The following NUCKS1 variants were observed in gnomAD, a reference collection of about 807,000 sequenced individuals.
The protein encoded by NUCKS1 is nuclear ubiquitous casein and cyclin-dependent kinase substrate 1.
NUCKS1 carries 2 observed loss-of-function variants against 33.0 expected under a neutral mutation model. The ratio of observed to expected loss-of-function variants is 0.06; its 90% confidence interval spans 0.02 to 0.19. The LOEUF is 0.19. Ranked by LOEUF, NUCKS1 falls within the 10% of genes least tolerant of loss-of-function variation. The probability of loss-of-function intolerance (pLI) is 1.00; values close to 1 mark genes in which losing one functional copy is unlikely to be tolerated. For synonymous variants in NUCKS1, 106 were observed against 102.8 expected, an observed-to-expected ratio of 1.03 and a Z score of -0.19; for missense variants, 201 against 293.6, an observed-to-expected ratio of 0.68 and a Z score of 2.31.
At chr1:205,746,921 A>G (rs188733063) in intron 1 of NUCKS1, among the ~76,000 whole-genome samples, 2 of 152,298 alleles carry the variant, frequency 1.3e-5, no homozygotes, top group Admixed American at 1.3e-4. Context: ...ATCACTTTCA[A>G]TAAGGGAGGA....
chr1:205,749,621 G>T (rs1314539909), intron 1 of NUCKS1, among the ~76,000 whole-genome samples: 1 of 152,098 alleles, frequency 6.6e-6, no homozygotes, highest in Non-Finnish European at 1.5e-5. Flanking sequence ...AGGAGGTGGG[G>T]CCTCTTGGGG....
Position 205,720,663 on chromosome 1 carries a change from C to T in NUCKS1, c.230-10G>A. ...TCATCTTCACTATCCTCTGCAATAT[C>T]AGAATTACCATGATATAATGATTAA... On this transcript the variant is annotated splice_polypyrimidine_tract_variant and intron_variant, in intron 4 of 6. Transcript: ENST00000367142. 1 of 1,601,612 alleles carries T rather than the reference C, an allele frequency of 6.2e-7. No individual in the cohort carries two copies. The highest frequency in any genetic ancestry group is 8.5e-7 in the Non-Finnish European group (1 of 1,175,510).
chr1:205,718,531 TA>T, intron 6 of NUCKS1, 52 bp from the exon 7 acceptor site: 1 of 1,592,288 alleles, frequency 6.3e-7, no homozygotes, highest in African/African-American at 1.4e-5. Context: ...ATGTCTTTAA[TA>T]AAAGTCAGCT....
chr1:205,713,217 A>G lies in NUCKS1; in HGVS notation c.*5063T>C, dbSNP rs974555431. On this transcript the variant is annotated 3_prime_UTR_variant, in exon 7 of 7. Coordinates refer to ENST00000367142, the MANE Select transcript of NUCKS1 (RefSeq NM_022731.5). ...CTGGGTTATAAAAGCCCTTTTATAA[A>G]GCCATTTTTAAACAAAACAAAAAAA... 6.6e-6 allele frequency: 1 copy of G among 152,202 alleles called. No homozygotes were observed. Among genetic ancestry groups the G allele is most frequent in the Non-Finnish European group, 1.5e-5 (1 of 68,032 alleles). The allele number at this position is 152,202 out of a possible 1,614,324, so 9.4% of individuals were successfully genotyped here. A position where few individuals can be genotyped will look rare whatever the true frequency, so the allele number is the denominator to read the frequency against.
rs1215153810 is a variant in NUCKS1 at position 205,750,025 on chromosome 1, C to G, written c.-52G>C. On this transcript the variant is annotated 5_prime_UTR_variant, in exon 1 of 7. Coordinates refer to ENST00000367142, the MANE Select transcript of NUCKS1 (RefSeq NM_022731.5). ...GAGAAGCCAAAGACCAGGACCCCCC[C>G]CACCCCGCGCGCTCGGCGCCCCACC... The G allele has an allele frequency of 2.1e-6, 2 of 958,818 alleles. No individual in the cohort carries two copies. The highest frequency in any genetic ancestry group is 3.0e-6 in the Non-Finnish European group (2 of 669,526). 59.4% of individuals were successfully genotyped at this position (958,818 alleles called of 1,614,324 possible).
rs541314951 is a variant in NUCKS1 at position 205,743,945 on chromosome 1, C to G, written c.17+6012G>C. On this transcript the variant is annotated intron_variant, in intron 1 of 6. Transcript: ENST00000367142. ...GTCCTTTAGGTGGCTTTGGAATCACCTAGTTAAGGGGAAACGCCCTCATAT... is the reference window on the plus strand; with the variant it reads ...GTCCTTTAGGTGGCTTTGGAATCACGTAGTTAAGGGGAAACGCCCTCATAT... 5.9e-5 allele frequency among the ~76,000 whole-genome samples: 9 copies of G among 152,266 alleles called. No individual in the cohort carries two copies. In the South Asian group the frequency reaches 1.5e-3, roughly 25 times the overall value.
intron 1 of NUCKS1, among the ~76,000 whole-genome samples, chr1:205,741,918 G>A (rs1056317476): frequency 7.9e-5 from 12 of 152,166 alleles, no homozygotes; most frequent in African/African-American, 2.9e-4. Context: ...ACAAAAGTGT[G>A]ACGTTCATTT....
chr1:205,714,441 G>A lies in NUCKS1; in HGVS notation c.*3839C>T, dbSNP rs2102425899. On this transcript the variant is annotated 3_prime_UTR_variant, in exon 7 of 7. Transcript: ENST00000367142. ...GGCATGGCAACAGGCAGGTTTACGG[G>A]ATGTTTCCCAATAGTGGTTATTACA... 1 of 152,070 alleles carries A rather than the reference G, an allele frequency of 6.6e-6. No homozygotes were observed. The highest frequency in any genetic ancestry group is 2.1e-4 in the South Asian group (1 of 4,812). 9.4% of individuals were successfully genotyped at this position (152,070 alleles called of 1,614,324 possible).
chr1:205,742,435 T>A (rs1320582009), intron 1 of NUCKS1, among the ~76,000 whole-genome samples: 3 of 152,180 alleles, frequency 2.0e-5, no homozygotes, highest in Non-Finnish European at 4.4e-5. Context: ...TAACGATTAG[T>A]TTCACTTCCT....
chr1:205,737,789 A>C (rs917149900), intron 1 of NUCKS1, among the ~76,000 whole-genome samples: 2 of 152,268 alleles, frequency 1.3e-5, no homozygotes, highest in Non-Finnish European at 1.5e-5. Context: ...AAAGTATTTT[A>C]AAAGTATACA....
At chr1:205,728,157 A>C (rs572003478) in intron 2 of NUCKS1, among the ~76,000 whole-genome samples, 25 of 152,270 alleles carry the variant, frequency 1.6e-4, no homozygotes, top group African/African-American at 5.8e-4. Flanking sequence ...AAACACAATT[A>C]CTATTACTAA....
At position 205,750,014 on chromosome 1, in the gene NUCKS1, C is replaced by CCGGGGGGGGGGGGGGGGGGGGG; in HGVS notation, c.-42_-41insCCCCCCCCCCCCCCCCCCCCCG. 4.5e-6 allele frequency: 7 copies of CCGGGGGGGGGGGGGGGGGGGGG among 1,568,878 alleles called. No homozygotes were observed. Among genetic ancestry groups the CCGGGGGGGGGGGGGGGGGGGGG allele is most frequent in the Non-Finnish European group, 6.1e-6 (7 of 1,154,172 alleles). On this transcript the variant is annotated 5_prime_UTR_variant, in exon 1 of 7. Transcript: ENST00000367142. ...AGGACCGAGTCGAGAAGCCAAAGAC[C>CCGGGGGGGGGGGGGGGGGGGGG]AGGACCCCCCCCACCCCGCGCGCTC...
chr1:205,750,179 G>C lies in NUCKS1; in HGVS notation c.-206C>G. The stretch of plus-strand genomic sequence containing the variant: ...CCCCGCTCCCCCGTCTCTTCAAAAT[G>C]GATGAATCAAACCAGCCGAAAATGC... On this transcript the variant is annotated 5_prime_UTR_variant, in exon 1 of 7. Coordinates refer to ENST00000367142, the MANE Select transcript of NUCKS1 (RefSeq NM_022731.5). The C allele has an allele frequency of 1.7e-6, 1 of 594,506 alleles. No homozygotes were observed. The highest frequency in any genetic ancestry group is 3.0e-6 in the Non-Finnish European group (1 of 332,750). 36.8% of individuals were successfully genotyped at this position (594,506 alleles called of 1,614,324 possible). A position where few individuals can be genotyped will look rare whatever the true frequency, so the allele number is the denominator to read the frequency against.
chr1:205,730,332 C>T (rs1216037724), intron 1 of NUCKS1, among the ~76,000 whole-genome samples: 1 of 152,020 alleles, frequency 6.6e-6, no homozygotes, highest in African/African-American at 2.4e-5. Context: ...CAGGCACGAG[C>T]CACTGCACCC....
rs1416097047 is a variant in NUCKS1, at chr1:205,720,637, T to C, written c.246A>G (p.Glu82=). The change falls in exon 5 of 7, where the codon GAA becomes GAG. Residue 82 remains glutamate, a synonymous_variant. Coordinates refer to ENST00000367142, the MANE Select transcript of NUCKS1 (RefSeq NM_022731.5). ...DSHSAEDSED[E]KEDHKNVRQQ... is the part of the protein sequence containing the mutation. ...GGCGCACATTTTTATGATCTTCTTT[T>C]TCATCTTCACTATCCTCTGCAATAT... 3.1e-6 allele frequency: 5 copies of C among 1,613,702 alleles called. No individual in the cohort carries two copies. Among genetic ancestry groups the C allele is most frequent in the Non-Finnish European group, 3.4e-6 (4 of 1,179,954 alleles).
At position 205,750,014 on chromosome 1, in the gene NUCKS1, C is replaced by CCGGGGGGGGGGGGGGGG; in HGVS notation, c.-42_-41insCCCCCCCCCCCCCCCCG. 6.4e-6 allele frequency: 10 copies of CCGGGGGGGGGGGGGGGG among 1,568,864 alleles called. No homozygotes were observed. The highest frequency in any genetic ancestry group is 8.7e-6 in the Non-Finnish European group (10 of 1,154,140). ...AGGACCGAGTCGAGAAGCCAAAGAC[C>CCGGGGGGGGGGGGGGGG]AGGACCCCCCCCACCCCGCGCGCTC... On this transcript the variant is annotated 5_prime_UTR_variant, in exon 1 of 7. Transcript: ENST00000367142.
intron 1 of NUCKS1, among the ~76,000 whole-genome samples, chr1:205,748,720 A>G (rs1362748724): frequency 3.9e-5 from 6 of 152,194 alleles, no homozygotes; most frequent in Non-Finnish European, 8.8e-5. Context: ...CCAGGGTCCC[A>G]AACCTCTCTT....
intron 3 of NUCKS1, among the ~76,000 whole-genome samples, chr1:205,724,873 A>T (rs1653695096): frequency 1.3e-5 from 2 of 152,222 alleles, no homozygotes; most frequent in Admixed American, 6.5e-5. Flanking sequence ...TGGTACCATG[A>T]AGAAAATAAA....
chr1:205,736,303 T>A (rs1654033298), intron 1 of NUCKS1, among the ~76,000 whole-genome samples: 1 of 152,154 alleles, frequency 6.6e-6, no homozygotes, highest in South Asian at 2.1e-4. Context: ...ACCATTTAGA[T>A]CAAAAATTTT....
Sources: gnomAD v4.1 joint callset for allele counts (sites outside exome capture counted in the v4.1 genomes callset) on GRCh38, gnomAD v4.1.1 for gene constraint, MANE v1.5 for transcripts, NCBI Gene and HGNC (gene_info 2026-07-23, HGNC 2026-07-21) for gene names.